FOXP1: variants seen among roughly 807,000 people sequenced by gnomAD.
The protein encoded by FOXP1 is forkhead box P1, also known as forkhead box protein P1.
Under a neutral mutation model 98.2 loss-of-function variants are expected in FOXP1, and 15 were observed. That is an observed-to-expected ratio of 0.15 (90% confidence interval 0.10 to 0.24). The LOEUF (loss-of-function observed/expected upper bound fraction) is 0.24. Among genes scored for constraint, FOXP1 ranks in the 10% least tolerant of loss-of-function variants. FOXP1 has a pLI of 1.00. For missense variants in FOXP1, 633 were observed against 848.5 expected, an observed-to-expected ratio of 0.75 and a Z score of 3.15; for synonymous variants, 371 against 314.5, an observed-to-expected ratio of 1.18 and a Z score of -1.90.
At chr3:71,280,386 T>C (rs1376288844) in intron 5 of FOXP1, among the ~76,000 whole-genome samples, 2 of 151,576 alleles carry the variant, frequency 1.3e-5, no homozygotes, top group African/African-American at 2.4e-5. Flanking sequence ...AGTGGTGCGA[T>C]CTCAGCTCAC....
intron 5 of FOXP1, among the ~76,000 whole-genome samples, chr3:71,204,588 C>T (rs1269212881): frequency 6.6e-6 from 1 of 152,090 alleles, no homozygotes; most frequent in Non-Finnish European, 1.5e-5. Context: ...TCACCCGTCA[C>T]CTGGCGAGAT....
At chr3:71,115,314 TTATTTTA>T (rs1185388256) in intron 6 of FOXP1, among the ~76,000 whole-genome samples, 13 of 104,970 alleles carry the variant, frequency 1.2e-4, no homozygotes, top group African/African-American at 3.6e-4. Context: ...ATTATTATTA[TTATTTTA>T]TTTATTTATT....
At chr3:71,060,695 C>G (rs898567122) in intron 7 of FOXP1, among the ~76,000 whole-genome samples, 2 of 152,138 alleles carry the variant, frequency 1.3e-5, no homozygotes, top group African/African-American at 4.8e-5. Flanking sequence ...TACAAAATAA[C>G]AAGCCCTTGA....
intron 5 of FOXP1, among the ~76,000 whole-genome samples, chr3:71,252,647 T>C (rs369507002): frequency 6.6e-6 from 1 of 152,212 alleles, no homozygotes; most frequent in East Asian, 1.9e-4. Context: ...TCACCCAGTC[T>C]TCTGACACCC....
At chr3:71,026,828 G>C (rs1475468278) in intron 11 of FOXP1, among the ~76,000 whole-genome samples, 1 of 152,212 alleles carries the variant, frequency 6.6e-6, no homozygotes, top group Non-Finnish European at 1.5e-5. Flanking sequence ...CAGAGCTGTA[G>C]TACTGGAGGC....
intron 6 of FOXP1, among the ~76,000 whole-genome samples, chr3:71,152,778 G>C (rs949070177): frequency 6.6e-6 from 1 of 152,178 alleles, no homozygotes; most frequent in Non-Finnish European, 1.5e-5. Flanking sequence ...CCAGGGCCTG[G>C]CACACAACTC....
chr3:70,961,811 A>G (rs1185103196), intron 20 of FOXP1, among the ~76,000 whole-genome samples: 2 of 152,164 alleles, frequency 1.3e-5, no homozygotes, highest in Non-Finnish European at 1.5e-5. Flanking sequence ...CTGTAGTCCA[A>G]GTTACTTGGG....
chr3:71,047,913 T>C (rs1576419852), intron 9 of FOXP1, among the ~76,000 whole-genome samples: 1 of 152,220 alleles, frequency 6.6e-6, no homozygotes, highest in Admixed American at 6.5e-5. Flanking sequence ...AAAACATCAA[T>C]ACATCATTCC....
At chr3:71,370,561 G>A (rs552037320) in intron 3 of FOXP1, among the ~76,000 whole-genome samples, 13 of 152,128 alleles carry the variant, frequency 8.5e-5, no homozygotes, top group Non-Finnish European at 1.6e-4. Context: ...AGAGTCACAA[G>A]ACGCAGGTTC....
chr3:71,106,483 G>A (rs1166133425), intron 7 of FOXP1, among the ~76,000 whole-genome samples: 1 of 151,756 alleles, frequency 6.6e-6, no homozygotes, highest in Non-Finnish European at 1.5e-5. Flanking sequence ...CTACAGGTGC[G>A]TGCCACCACG....
intron 13 of FOXP1, among the ~76,000 whole-genome samples, chr3:70,999,112 T>G (rs936274664): frequency 6.6e-6 from 1 of 152,130 alleles, no homozygotes; most frequent in Non-Finnish European, 1.5e-5. Context: ...TTTTTTGAGA[T>G]GGAGTCTCAC....
At position 71,358,412 on chromosome 3, in the gene FOXP1, C is replaced by A. The variant is rs549856613; in HGVS notation, c.-73+738G>T. On this transcript the variant is annotated intron_variant, in intron 4 of 20. Coordinates refer to ENST00000649528, the MANE Select transcript of FOXP1 (RefSeq NM_001349338.3). ...CCCACACTCATTTCGCTCATGAAAG[C>A]CCAATGTGATTAAAAAGGTGAAGAA... Among the ~76,000 whole-genome samples the A allele has an allele frequency of 2.0e-5, 3 of 152,264 alleles. 1 individual carries two copies. Among genetic ancestry groups the A allele is most frequent in the Admixed American group, 6.5e-5 (1 of 15,292 alleles).
chr3:71,375,201 A>T (rs1240315819), intron 3 of FOXP1, among the ~76,000 whole-genome samples: 1 of 152,204 alleles, frequency 6.6e-6, no homozygotes, highest in Non-Finnish European at 1.5e-5. Context: ...GGAGGAAAAA[A>T]CAGAAAAGAG....
chr3:71,269,561 C>G lies in FOXP1; in HGVS notation c.-12+30259G>C, dbSNP rs111962868. ...TAAACATTTACGAATTCCATCTCAGCATTAGTACTAAACAATATTCATTAA... is the reference window on the plus strand; with the variant it reads ...TAAACATTTACGAATTCCATCTCAGGATTAGTACTAAACAATATTCATTAA... On this transcript the variant is annotated intron_variant, in intron 5 of 20. Transcript: ENST00000649528. Among the ~76,000 whole-genome samples the G allele has an allele frequency of 5.4e-3, 828 of 152,262 alleles. 8 individuals are homozygous for G. Among genetic ancestry groups the G allele is most frequent in the African/African-American group, 0.019 (794 of 41,546 alleles).
At chr3:71,461,755 G>A (rs1008553641) in intron 3 of FOXP1, among the ~76,000 whole-genome samples, 7 of 151,732 alleles carry the variant, frequency 4.6e-5, no homozygotes, top group Admixed American at 2.6e-4. Flanking sequence ...AGCCAAGATC[G>A]CGCCACTGCA....
chr3:70,994,117 G>A (rs2041029713), intron 13 of FOXP1, among the ~76,000 whole-genome samples: 2 of 151,758 alleles, frequency 1.3e-5, no homozygotes, highest in East Asian at 1.9e-4. Flanking sequence ...CAAGAAATTC[G>A]GGACATAAGG....
chr3:71,525,923 C>T (rs2043343330), intron 2 of FOXP1, among the ~76,000 whole-genome samples: 1 of 152,030 alleles, frequency 6.6e-6, no homozygotes, highest in Admixed American at 6.6e-5. Context: ...CGAGACCAGC[C>T]TGGCCAACAT....
At chr3:71,096,624 T>C (rs570182847) in intron 7 of FOXP1, among the ~76,000 whole-genome samples, 6 of 152,320 alleles carry the variant, frequency 3.9e-5, no homozygotes, top group South Asian at 4.1e-4. Flanking sequence ...GCAGTCCCAT[T>C]ATGTCTTGGA....
rs116050345 is a variant in FOXP1 at position 71,410,279 on chromosome 3, A to C, written c.-167-51035T>G. 3.8e-3 allele frequency among the ~76,000 whole-genome samples: 586 copies of C among 152,364 alleles called. 2 individuals carry two copies. The highest frequency in any genetic ancestry group is 0.014 in the African/African-American group (570 of 41,594). ...TACCAGACTGAAGCTTCTGAGACAC[A>C]GAATCAGAGATCTTTTGATATTTTT... On this transcript the variant is annotated intron_variant, in intron 3 of 20. Coordinates refer to ENST00000649528, the MANE Select transcript of FOXP1 (RefSeq NM_001349338.3).
Sources: gnomAD v4.1 joint callset for allele counts (sites outside exome capture counted in the v4.1 genomes callset) on GRCh38, gnomAD v4.1.1 for gene constraint, MANE v1.5 for transcripts, NCBI Gene and HGNC (gene_info 2026-07-23, HGNC 2026-07-21) for gene names.